The following CD180 variants were observed in gnomAD, a reference collection of about 807,000 sequenced individuals.
CD180 encodes CD180 molecule, also known as CD180 antigen.
CD180 carries 11 observed loss-of-function variants against 10.7 expected under a neutral mutation model. The ratio of observed to expected loss-of-function variants is 1.03; its 90% CI spans 0.65 to 1.70. The LOEUF (loss-of-function observed/expected upper bound fraction) is 1.70, where lower values mean the gene tolerates loss of function less well. Ranked by LOEUF, CD180 falls within the 40% of genes most tolerant of loss-of-function variation. The probability of loss-of-function intolerance (pLI) is 0.00; values close to 1 mark genes in which losing one functional copy is unlikely to be tolerated. For missense variants in CD180, 729 were observed against 775.2 expected (o/e 0.94, Z 0.71); for synonymous variants, 286 against 294.6 (o/e 0.97, Z 0.30).
In CD180 at chr5:67,180,206, G is replaced by T. The variant is rs922260085; in HGVS notation, c.*2651C>A. The T allele has an allele frequency of 6.6e-6, 1 of 152,376 alleles. No individual in the cohort carries two copies. Among genetic ancestry groups the T allele is most frequent in the South Asian group, 2.1e-4 (1 of 4,830 alleles). 9.4% of individuals were successfully genotyped at this position (152,376 alleles called of 1,614,324 possible). A position where few individuals can be genotyped will look rare whatever the true frequency, so the allele number is the denominator to read the frequency against. On this transcript the variant is annotated 3_prime_UTR_variant, in exon 3 of 3. Transcript: ENST00000256447. ...AAAGCAGGATGGGCAATTATGCTTT[G>T]CTAAGGCCTGGGCCCCTTTCATTGT...
intron 1 of CD180, among the ~76,000 whole-genome samples, chr5:67,187,757 T>C (rs1201207183): frequency 6.6e-6 from 1 of 152,194 alleles, no homozygotes; most frequent in Admixed American, 6.5e-5. Flanking sequence ...TTTGAATATG[T>C]CCTCCAAAGT....
rs780644235 is a variant in CD180, at chr5:67,183,887, C to T, written c.956G>A (p.Gly319Asp). 6.2e-7 allele frequency: 1 copy of T among 1,614,184 alleles called. No individual in the cohort carries two copies. The highest frequency in any genetic ancestry group is 8.5e-7 in the Non-Finnish European group (1 of 1,180,036). Reference sequence around the variant, plus strand: ...AACTAATTTCTTGAGCAAGTTCAGACCCTTCATCCCAGAGGGTAACCCTTT... The same window carrying T: ...AACTAATTTCTTGAGCAAGTTCAGATCCTTCATCCCAGAGGGTAACCCTTT... ...HLKGLPSGMK[G>D]LNLLKKLVLS... Residue 319 changes from glycine to aspartate, a missense_variant, in exon 3 of 3, where the codon GGT becomes GAT. Coordinates refer to ENST00000256447, the MANE Select transcript of CD180 (RefSeq NM_005582.3).
At chr5:67,191,760 G>A (rs868638310) in intron 1 of CD180, among the ~76,000 whole-genome samples, 1 of 152,154 alleles carries the variant, frequency 6.6e-6, no homozygotes, top group Non-Finnish European at 1.5e-5. Context: ...GAGAGAGACA[G>A]AGAGAGAAAA....
chr5:67,188,630 C>T (rs1469735762), intron 1 of CD180, among the ~76,000 whole-genome samples: 1 of 152,206 alleles, frequency 6.6e-6, no homozygotes, highest in Non-Finnish European at 1.5e-5. Flanking sequence ...TAGTGAGAAA[C>T]AGAACTGCAC....
intron 2 of CD180, among the ~76,000 whole-genome samples, chr5:67,185,062 T>TCACACA (rs57251966): frequency 0.034 from 4,900 of 145,052 alleles, 80 homozygotes; most frequent in Admixed American, 0.04. Context: ...AAATACTGGA[T>TCACACA]CACACACACA....
intron 2 of CD180, among the ~76,000 whole-genome samples, chr5:67,185,062 T>TCACACACA (rs57251966): frequency 1.2e-3 from 168 of 145,068 alleles, no homozygotes; most frequent in South Asian, 1.3e-3. Flanking sequence ...AAATACTGGA[T>TCACACACA]CACACACACA....
intron 1 of CD180, among the ~76,000 whole-genome samples, chr5:67,189,747 AT>A (rs1742266177): frequency 6.6e-6 from 1 of 152,056 alleles, no homozygotes; most frequent in East Asian, 1.9e-4. Flanking sequence ...GACTATTGTA[AT>A]TTTTTAAGGC....
intron 1 of CD180, among the ~76,000 whole-genome samples, chr5:67,195,553 C>T (rs188998918): frequency 2.0e-5 from 3 of 152,350 alleles, no homozygotes; most frequent in African/African-American, 7.2e-5. Flanking sequence ...CCAAGCAAAG[C>T]AACACACACC....
intron 1 of CD180, among the ~76,000 whole-genome samples, chr5:67,194,925 T>TC (rs1332516852): frequency 2.0e-5 from 3 of 152,090 alleles, no homozygotes; most frequent in Non-Finnish European, 2.9e-5. Context: ...GAAGCTGAGG[T>TC]CATATAGGTG....
In CD180 at chr5:67,183,191, G is replaced by T; in HGVS notation, c.1652C>A (p.Ala551Asp). The T allele has an allele frequency of 1.9e-6, 3 of 1,611,668 alleles. No individual in the cohort carries two copies. The highest frequency in any genetic ancestry group is 2.5e-6 in the Non-Finnish European group (3 of 1,178,196). Reference protein sequence around the residue: ...SHLKGIYLNLAANSINIISPR... With the variant: ...SHLKGIYLNLDANSINIISPR... ...TGAGATGATGTTAATGCTGTTGGCA[G>T]CCAGATTGAGGTAGATTCCCTTAAG... The change falls in exon 3 of 3, where the codon GCT becomes GAT. Residue 551 changes from alanine to aspartate, a missense_variant. Ala to Asp is a moderately radical substitution (Grantham distance 126, BLOSUM62 -2). Coordinates refer to ENST00000256447, the MANE Select transcript of CD180 (RefSeq NM_005582.3).
In CD180 at chr5:67,180,951, ATT is replaced by A. The variant is rs1450591753; in HGVS notation, c.*1904_*1905del. 2 of 152,016 alleles carry A rather than the reference ATT, an allele frequency of 1.3e-5. No homozygotes were observed. The highest frequency in any genetic ancestry group is 1.3e-4 in the Admixed American group (2 of 15,254). 9.4% of individuals were successfully genotyped at this position (152,016 alleles called of 1,614,324 possible). On this transcript the variant is annotated 3_prime_UTR_variant, in exon 3 of 3. Coordinates refer to ENST00000256447, the MANE Select transcript of CD180 (RefSeq NM_005582.3). ...GAGGCGGAGGTTACAGTGAGCCAAGATTGCACTATAGCACTCCAGCCTGGGCG... is the reference window on the plus strand; with the variant it reads ...GAGGCGGAGGTTACAGTGAGCCAAGAGCACTATAGCACTCCAGCCTGGGCG...
chr5:67,192,015 C>A (rs182121442), intron 1 of CD180, among the ~76,000 whole-genome samples: 1 of 152,056 alleles, frequency 6.6e-6, no homozygotes, highest in African/African-American at 2.4e-5. Context: ...ATATCACGGT[C>A]TTGAGGTAGG....
At chr5:67,186,217 CA>C (rs1742191715) in intron 1 of CD180, 200 bp from the exon 2 acceptor site, 1 of 377,096 alleles carries the variant, frequency 2.7e-6, no homozygotes, top group Non-Finnish European at 4.7e-6. Context: ...TGACAATAAC[CA>C]GACTATTCAT....
Position 67,182,511 on chromosome 5 carries a change from T to TC in CD180, c.*345dup, listed in dbSNP as rs1372665488. Reference sequence around the variant, plus strand: ...GGGGTGTGTGGTGCTGGGAGGGATGTCGGTGAGTAGAAGGGGAATGGCCTC... The same window carrying TC: ...GGGGTGTGTGGTGCTGGGAGGGATGTCCGGTGAGTAGAAGGGGAATGGCCTC... On this transcript the variant is annotated 3_prime_UTR_variant, in exon 3 of 3. Transcript: ENST00000256447. 5.5e-6 allele frequency: 1 copy of TC among 180,434 alleles called. No homozygotes were observed. Among genetic ancestry groups the TC allele is most frequent in the Non-Finnish European group, 1.2e-5 (1 of 86,220 alleles). 11.2% of individuals were successfully genotyped at this position (180,434 alleles called of 1,614,324 possible).
rs1429935055 is a variant in CD180, at chr5:67,187,642, T to C, written c.91-1625A>G. The stretch of plus-strand genomic sequence containing the variant: ...GCTAATGCTTTAAGATGAAGGGTAG[T>C]GGGGAAAATAGGAAGGTCTGACAGG... On this transcript the variant is annotated intron_variant, in intron 1 of 2. Coordinates refer to ENST00000256447, the MANE Select transcript of CD180 (RefSeq NM_005582.3). Among the ~76,000 whole-genome samples, 3 of 152,070 alleles carry C rather than the reference T, an allele frequency of 2.0e-5. No homozygotes were observed. In the East Asian group the frequency reaches 5.8e-4, roughly 29 times the overall value.
intron 1 of CD180, chr5:67,191,193 TTC>T: frequency 1.4e-6 from 1 of 697,884 alleles, no homozygotes; most frequent in Non-Finnish European, 1.8e-6. Context: ...GCACTTTATT[TTC>T]TGTTTGTCTG....
intron 1 of CD180, among the ~76,000 whole-genome samples, chr5:67,187,179 A>G (rs1742212748): frequency 1.3e-5 from 2 of 152,254 alleles, no homozygotes; most frequent in African/African-American, 4.8e-5. Context: ...GTAAAACAGC[A>G]TGATGCTGGA....
At chr5:67,194,641 A>G (rs561559605) in intron 1 of CD180, among the ~76,000 whole-genome samples, 1 of 152,334 alleles carries the variant, frequency 6.6e-6, no homozygotes, top group African/African-American at 2.4e-5. Context: ...GTCTCACATC[A>G]ATTAAACTTT....
rs1197913363 is a variant in CD180, at chr5:67,184,137, A to T, written c.706T>A (p.Ser236Thr). 24 of 1,614,014 alleles carry T rather than the reference A, an allele frequency of 1.5e-5. No individual in the cohort carries two copies. The highest frequency in any genetic ancestry group is 2.0e-5 in the Non-Finnish European group (24 of 1,180,012). ...TTCTGCAGACCATTGAATATAACAG[A>T]CAAATTTGGAGTTCCTCCAAAGTTC... ...SLNFGGTPNLSVIFNGLQNST... is the reference protein window; with the variant it reads ...SLNFGGTPNLTVIFNGLQNST... Residue 236 changes from serine to threonine, a missense_variant, in exon 3 of 3, where the codon TCT becomes ACT. By Grantham distance (58) the Ser-to-Thr change is moderately conservative (BLOSUM62 1). Coordinates refer to ENST00000256447, the MANE Select transcript of CD180 (RefSeq NM_005582.3).
Sources: gnomAD v4.1 joint callset for allele counts (sites outside exome capture counted in the v4.1 genomes callset) on GRCh38, gnomAD v4.1.1 for gene constraint, MANE v1.5 for transcripts, NCBI Gene and HGNC (gene_info 2026-07-23, HGNC 2026-07-21) for gene names.